HYAL1: variants seen among roughly 807,000 people sequenced by gnomAD.
The protein encoded by HYAL1 is hyaluronidase-1.
In HYAL1, 21 loss-of-function variants were observed where a neutral mutation model predicts 28.8. The observed-to-expected ratio is 0.73, with a 90% CI of 0.52 to 1.05. The LOEUF (loss-of-function observed/expected upper bound fraction) is 1.05. HYAL1 is among the 50% of genes least tolerant of loss of function. HYAL1 has a pLI of 0.00. For synonymous variants in HYAL1, 200 were observed against 230.1 expected, an observed-to-expected ratio of 0.87 and a Z score of 1.18; for missense variants, 491 against 579.2, an observed-to-expected ratio of 0.85 and a Z score of 1.56.
chr3:50,310,640 T>G (rs1702427139), intron 1 of HYAL1, among the ~76,000 whole-genome samples: 1 of 150,424 alleles, frequency 6.6e-6, no homozygotes, highest in East Asian at 1.9e-4. Flanking sequence ...CTTGGGTGTT[T>G]CTCGCAGAGG....
At chr3:50,304,296 A>AAAAAAATATAT (rs1553713686), upstream of HYAL1, among the ~76,000 whole-genome samples, 1 of 30,480 alleles carries the variant, frequency 3.3e-5, no homozygotes, top group African/African-American at 1.0e-4. Flanking sequence ...AAAAAAAAAA[A>AAAAAAATATAT]ATATATATAT....
upstream of HYAL1, among the ~76,000 whole-genome samples, chr3:50,307,941 C>CAA: frequency 2.7e-5 from 4 of 148,942 alleles, no homozygotes; most frequent in Non-Finnish European, 5.9e-5. Context: ...ACTACAGGGG[C>CAA]CCGCCATCAT....
chr3:50,300,696 G>T lies in HYAL1; in HGVS notation c.1095C>A (p.Gly365=). ...ALLCSQALCS[G]HGRCVRRTSH... Reference sequence around the variant, plus strand: ...TGGTGCGGCGGACACAGCGGCCATGGCCGGAGCACAGGGCTTGACTGCAGA... The same window carrying T: ...TGGTGCGGCGGACACAGCGGCCATGTCCGGAGCACAGGGCTTGACTGCAGA... Residue 365 remains glycine (G), a synonymous_variant, in exon 4 of 4, where the codon GGC becomes GGA. Coordinates refer to ENST00000395144, the MANE Select transcript of HYAL1 (RefSeq NM_033159.4). The T allele has an allele frequency of 6.2e-7, 1 of 1,614,018 alleles. No individual in the cohort carries two copies. Among genetic ancestry groups the T allele is most frequent in the Admixed American group, 1.7e-5 (1 of 59,988 alleles).
At position 50,300,503 on chromosome 3, in the gene HYAL1, C is replaced by T. The variant is rs782458470; in HGVS notation, c.1288G>A (p.Glu430Lys). Residue 430 changes from glutamate to lysine, a missense_variant, in exon 4 of 4, where the codon GAG becomes AAG. Transcript: ENST00000395144. ...CYPGWQAPWC[E>K]RKSMW ...GCCAATCACCACATGCTCTTCCGCTCACACCACGGTGCCTGCCAGCCAGGG... is the reference window on the plus strand; with the variant it reads ...GCCAATCACCACATGCTCTTCCGCTTACACCACGGTGCCTGCCAGCCAGGG... The T allele has an allele frequency of 6.2e-7, 1 of 1,614,224 alleles. No homozygotes were observed. The highest frequency in any genetic ancestry group is 8.5e-7 in the Non-Finnish European group (1 of 1,180,042).
chr3:50,302,058 AG>A lies in HYAL1; in HGVS notation c.898del (p.Leu300TrpfsTer23). 1 of 1,614,198 alleles carries A rather than the reference AG, an allele frequency of 6.2e-7. No individual in the cohort carries two copies. Among genetic ancestry groups the A allele is most frequent in the Non-Finnish European group, 8.5e-7 (1 of 1,180,018 alleles). On this transcript the variant is annotated frameshift_variant and splice_region_variant, in exon 2 of 4. Coordinates refer to ENST00000395144, the MANE Select transcript of HYAL1 (RefSeq NM_033159.4). LOFTEE classifies it high-confidence loss of function. This position sits in a 1 kb window ranked among gnomAD's most constrained non-coding sequence, Gnocchi z 5.0. ...GTGGGCAGGTTACAGAAGACTCACC[AG>A]GGGCAGAAAGTGGTTTGTCGTGTCA... ...FYDTTNHFLP[L>X]DELEHSLGES...
chr3:50,308,492 G>C (rs1055184603), upstream of HYAL1, among the ~76,000 whole-genome samples: 3 of 150,652 alleles, frequency 2.0e-5, no homozygotes, highest in Admixed American at 6.6e-5. Context: ...CTGTCACCCA[G>C]GCTGGAGTGC....
upstream of HYAL1, among the ~76,000 whole-genome samples, chr3:50,305,328 C>T (rs1702315126): frequency 6.6e-6 from 1 of 152,162 alleles, no homozygotes; most frequent in Non-Finnish European, 1.5e-5. Context: ...ACTGCAAGCT[C>T]TGCCCCCCGG....
intron 1 of HYAL1, among the ~76,000 whole-genome samples, chr3:50,311,760 G>C (rs1476695580): frequency 2.8e-5 from 4 of 140,498 alleles, no homozygotes; most frequent in Admixed American, 7.2e-5. Context: ...GGCTGGCTGG[G>C]CAGAGGGGCT....
chr3:50,310,906 C>T (rs1575524012), intron 1 of HYAL1, among the ~76,000 whole-genome samples: 1 of 151,682 alleles, frequency 6.6e-6, no homozygotes, highest in Admixed American at 6.6e-5. Context: ...TCAGAGAGCA[C>T]AGGGTTGGGG....
At chr3:50,303,178 T>C in intron 1 of HYAL1, 198 bp from the exon 2 acceptor site, 1 of 517,222 alleles carries the variant, frequency 1.9e-6, no homozygotes, top group Non-Finnish European at 3.4e-6. Flanking sequence ...CCGAGTTGCC[T>C]CTCAGACCAG....
At chr3:50,311,968 C>G (rs1304525451) in intron 1 of HYAL1, among the ~76,000 whole-genome samples, 1 of 144,354 alleles carries the variant, frequency 6.9e-6, no homozygotes, top group Non-Finnish European at 1.5e-5. Context: ...TAGGGGCGGC[C>G]GGGCAGAGGC....
Position 50,302,507 on chromosome 3 carries a change from G to A in HYAL1, c.450C>T (p.Arg150=). 6.2e-7 allele frequency: 1 copy of A among 1,614,218 alleles called. No homozygotes were observed. The highest frequency in any genetic ancestry group is 1.1e-5 in the South Asian group (1 of 91,084). The change falls in exon 2 of 4, where the codon CGC becomes CGT. Residue 150 remains arginine (R), a synonymous_variant. Coordinates refer to ENST00000395144, the MANE Select transcript of HYAL1 (RefSeq NM_033159.4). This position sits in a 1 kb window ranked among gnomAD's most constrained non-coding sequence, Gnocchi z 5.0. ...GCTGTGCCTGTACCAGTGCCCGTGA[G>A]CGCTGCCGGTAAATGTCCTTGGTGT... ...NWDTKDIYRQ[R]SRALVQAQHP... is the part of the protein sequence containing the mutation.
At chr3:50,311,720 T>C (rs1702462958) in intron 1 of HYAL1, among the ~76,000 whole-genome samples, 1 of 144,130 alleles carries the variant, frequency 6.9e-6, no homozygotes. Context: ...GGCGTGGGGC[T>C]GATCCCCCCA....
rs1553714616 is a variant in HYAL1 at position 50,310,599 on chromosome 3, TTTTTTA to T, written c.-309-828_-309-823del. ...TTCTTTTCTTTTTTTTTTCTTTTTT[TTTTTTA>T]ATTATTATTTTTTTATTGATCATTC... is the stretch of plus-strand genomic sequence containing the variant. On this transcript the variant is annotated intron_variant, in intron 1 of 5. Coordinates refer to the HYAL1 transcript ENST00000320295. 2.5e-3 allele frequency among the ~76,000 whole-genome samples: 361 copies of T among 146,556 alleles called. 1 individual carries two copies. Among genetic ancestry groups the T allele is most frequent in the African/African-American group, 8.5e-3 (350 of 41,184 alleles).
At chr3:50,301,187 C>T (rs1702142314) in intron 2 of HYAL1, 110 bp from the exon 3 acceptor site, 3 of 728,782 alleles carry the variant, frequency 4.1e-6, no homozygotes, top group Non-Finnish European at 7.0e-6. Flanking sequence ...TGGGGCTGCT[C>T]TGGCCATGGG....
In HYAL1 at chr3:50,302,318, T is replaced by C. The variant is rs1559819460; in HGVS notation, c.639A>G (p.Leu213=). ...GGCACTGGCCGGTGTAGTTGGGGCTTAGAAAGTCATAGTTGTAGCAGTCAG... is the reference window on the plus strand; with the variant it reads ...GGCACTGGCCGGTGTAGTTGGGGCTCAGAAAGTCATAGTTGTAGCAGTCAG... The part of the protein sequence containing the change: ...GFPDCYNYDF[L]SPNYTGQCPS... Residue 213 remains leucine, a synonymous_variant, in exon 2 of 4, where the codon CTA becomes CTG. Transcript: ENST00000395144. The surrounding 1 kb of genome is among the most constrained non-coding windows in gnomAD (Gnocchi z 5.0). The C allele has an allele frequency of 1.9e-6, 3 of 1,613,468 alleles. No individual in the cohort carries two copies. Among genetic ancestry groups the C allele is most frequent in the Non-Finnish European group, 2.5e-6 (3 of 1,180,000 alleles).
chr3:50,304,704 C>T (rs1179598326), upstream of HYAL1, among the ~76,000 whole-genome samples: 4 of 152,020 alleles, frequency 2.6e-5, no homozygotes, highest in African/African-American at 4.8e-5. Flanking sequence ...TTCTGAAAGG[C>T]ACTGTGTTCA....
chr3:50,302,908 C>T lies in HYAL1; in HGVS notation c.49G>A (p.Asp17Asn), dbSNP rs148307635. 1.4e-5 allele frequency: 23 copies of T among 1,602,986 alleles called. 1 individual carries two copies. The highest frequency in any genetic ancestry group is 6.7e-5 in the South Asian group (6 of 90,208). The change falls in exon 2 of 4, where the codon GAT (aspartate) becomes AAT (asparagine). Residue 17 changes from aspartate (D) to asparagine (N), a missense_variant. Physicochemically the swap from Asp to Asn is conservative, Grantham distance 23. Transcript: ENST00000395144. The surrounding 1 kb of genome is among the most constrained non-coding windows in gnomAD (Gnocchi z 5.0). ...PICALFLTLLDMAQGFRGPLL... is the reference protein window; with the variant it reads ...PICALFLTLLNMAQGFRGPLL... The stretch of plus-strand genomic sequence containing the variant: ...GGGCCCCTAAAGCCTTGGGCCATAT[C>T]GAGTAAGGTCAGGAAGAGGGCGCAG...
chr3:50,307,280 G>A (rs1252527344), upstream of HYAL1, among the ~76,000 whole-genome samples: 3 of 149,604 alleles, frequency 2.0e-5, no homozygotes, highest in Non-Finnish European at 4.4e-5. Flanking sequence ...CAGGAGAATC[G>A]CTTGACCTGG....
Sources: gnomAD v4.1 joint callset for allele counts (sites outside exome capture counted in the v4.1 genomes callset) on GRCh38, gnomAD v4.1.1 for gene constraint, Gnocchi (gnomAD v3.1) non-coding constraint, MANE v1.5 for transcripts, NCBI Gene and HGNC (gene_info 2026-07-23, HGNC 2026-07-21) for gene names.